RNF213: variants seen among roughly 807,000 people sequenced by gnomAD.
RNF213 encodes E3 ubiquitin-protein ligase RNF213.
A neutral mutation model predicts 514.4 loss-of-function variants in RNF213; 341 were observed. That is an observed-to-expected ratio of 0.66 (90% CI 0.61 to 0.73). RNF213 has a LOEUF of 0.73. RNF213 is among the 30% of genes least tolerant of loss of function. The pLI is 0.00. For missense variants in RNF213, 5,767 were observed against 6,615.6 expected, an observed-to-expected ratio of 0.87 and a Z score of 4.45; for synonymous variants, 2,655 against 2,658.2, an observed-to-expected ratio of 1.00 and a Z score of 0.04.
At chr17:80,376,581 A>G in intron 52 of RNF213, 38 bp downstream of exon 52, 2 of 1,613,288 alleles carry the variant, frequency 1.2e-6, no homozygotes, top group Non-Finnish European at 1.7e-6. Flanking sequence ...CTTCACTGGA[A>G]CACCCCCCAG....
chr17:80,358,236 G>A (rs1006084399), intron 36 of RNF213, 52 bp from the exon 37 acceptor site: 33 of 1,546,994 alleles, frequency 2.1e-5, no homozygotes, highest in African/African-American at 8.2e-5. Context: ...GTGGCAGACC[G>A]CCACTCTGGT....
At chr17:80,357,255 G>A (rs1460766081) in intron 36 of RNF213, among the ~76,000 whole-genome samples, 1 of 152,120 alleles carries the variant, frequency 6.6e-6, no homozygotes, top group East Asian at 1.9e-4. Context: ...TTTTGAAATA[G>A]AGCTATTATT....
At chr17:80,326,589 C>T (rs545163414) in intron 18 of RNF213, among the ~76,000 whole-genome samples, 8 of 152,304 alleles carry the variant, frequency 5.3e-5, no homozygotes, top group African/African-American at 1.9e-4. Context: ...CCTACAAAAT[C>T]CCATGCTCCA....
chr17:80,295,930 C>T, intron 10 of RNF213, 117 bp downstream of exon 10: 1 of 1,163,148 alleles, frequency 8.6e-7, no homozygotes, highest in African/African-American at 1.5e-5. Flanking sequence ...ATAAAACCAC[C>T]CGTGATTTTA....
intron 38 of RNF213, chr17:80,360,518 T>C (rs1369364620): frequency 7.6e-6 from 3 of 395,876 alleles, no homozygotes; most frequent in South Asian, 4.3e-5. Flanking sequence ...AGAGGAGGAC[T>C]GTCGCCTCTA....
At chr17:80,383,477 TCA>T (rs2144615636) in intron 58 of RNF213, among the ~76,000 whole-genome samples, 198 bp from the exon 59 acceptor site, 1 of 152,312 alleles carries the variant, frequency 6.6e-6, no homozygotes, top group South Asian at 2.1e-4. Flanking sequence ...TTTCTGAATC[TCA>T]TTCTGTTTGG....
intron 63 of RNF213, among the ~76,000 whole-genome samples, chr17:80,387,213 C>G (rs527443924): frequency 6.6e-6 from 1 of 152,246 alleles, no homozygotes; most frequent in Non-Finnish European, 1.5e-5. Context: ...TCAAGCGATC[C>G]TCTCACATCA....
At chr17:80,360,529 T>A in intron 38 of RNF213, 1 of 385,998 alleles carries the variant, frequency 2.6e-6, no homozygotes, top group Non-Finnish European at 5.0e-6. Flanking sequence ...GTCGCCTCTA[T>A]CAGCTGGTCA....
Position 80,358,314 on chromosome 17 carries a change from G to A in RNF213, c.10889G>A (p.Gly3630Asp), listed in dbSNP as rs2078909404. The A allele has an allele frequency of 6.2e-7, 1 of 1,613,982 alleles. No individual in the cohort carries two copies. The highest frequency in any genetic ancestry group is 1.7e-5 in the Admixed American group (1 of 59,990). ...CACACCCTCTGGAAGCGGGTCCAAGGTGCTGTCACCCCTCTGCTGGCGAGC... is the reference window on the plus strand; with the variant it reads ...CACACCCTCTGGAAGCGGGTCCAAGATGCTGTCACCCCTCTGCTGGCGAGC... ...FRHTLWKRVQ[G>D]AVTPLLASMI... Residue 3630 changes from glycine (G) to aspartate (D), a missense_variant, in exon 37 of 68, where the codon GGT (glycine) becomes GAT (aspartate). This residue lies in a region of RNF213 where 919 missense variants were observed against 1,121.0 expected (regional missense o/e 0.82). Transcript: ENST00000582970.
At chr17:80,294,505 G>T (rs1268270014) in intron 8 of RNF213, among the ~76,000 whole-genome samples, 2 of 152,178 alleles carry the variant, frequency 1.3e-5, no homozygotes, top group Non-Finnish European at 2.9e-5. Context: ...GGGACGTCTA[G>T]GATGTCTGTT....
intron 11 of RNF213, among the ~76,000 whole-genome samples, chr17:80,299,953 C>T (rs1415908942): frequency 2.0e-5 from 3 of 152,104 alleles, no homozygotes; most frequent in Non-Finnish European, 4.4e-5. Context: ...TTTCTTTATC[C>T]AGTCTACTGT....
intron 10 of RNF213, 98 bp from the exon 11 acceptor site, chr17:80,298,223 T>C (rs923371217): frequency 8.0e-7 from 1 of 1,257,532 alleles, no homozygotes; most frequent in African/African-American, 1.5e-5. Context: ...CCTCTTGCTC[T>C]GTGTGCACGG....
chr17:80,314,186 G>A (rs2045733455), intron 15 of RNF213, among the ~76,000 whole-genome samples: 2 of 126,286 alleles, frequency 1.6e-5, no homozygotes, highest in South Asian at 2.4e-4. Context: ...TGATGGTGGT[G>A]GTGAAGGTGA....
chr17:80,353,705 G>A lies in RNF213; in HGVS notation c.10578+39G>A, dbSNP rs1324456499. 3.1e-6 allele frequency: 5 copies of A among 1,613,414 alleles called. No individual in the cohort carries two copies. The highest frequency in any genetic ancestry group is 1.3e-5 in the African/African-American group (1 of 74,906). ...CTTGGGACCTCCCCTTGTGCTGCTGGTGATGCTTCTGAGCTGCATCTTTAA... is the reference window on the plus strand; with the variant it reads ...CTTGGGACCTCCCCTTGTGCTGCTGATGATGCTTCTGAGCTGCATCTTTAA... On this transcript the variant is annotated intron_variant, in intron 34 of 67. Transcript: ENST00000582970. The surrounding 1 kb of genome is among the most constrained non-coding windows in gnomAD (Gnocchi z 5.0).
rs763140836 is a variant in RNF213, at chr17:80,381,548, C to T, written c.13799C>T (p.Ala4600Val). 2.1e-5 allele frequency: 34 copies of T among 1,614,052 alleles called. No individual in the cohort carries two copies. The highest frequency in any genetic ancestry group is 2.7e-5 in the African/African-American group (2 of 74,940). The change falls in exon 57 of 68, where the codon GCT (alanine) becomes GTT (valine). Residue 4600 changes from alanine to valine, a missense_variant and splice_region_variant. By Grantham distance (64) the Ala-to-Val change is moderately conservative. This residue lies in a region of RNF213 where 1,245 missense variants were observed against 1,339.0 expected (regional missense o/e 0.93). Transcript: ENST00000582970. ...LLLGASQSSQ[A>V]LINIIKPPVR... Reference sequence around the variant, plus strand: ...CACTCTGTTCCGTTGCCCCCACAGGCTCTGATAAACATCATTAAGCCTCCA... The same window carrying T: ...CACTCTGTTCCGTTGCCCCCACAGGTTCTGATAAACATCATTAAGCCTCCA...
In RNF213 at chr17:80,376,286, T is replaced by G; in HGVS notation, c.13186-15T>G. On this transcript the variant is annotated splice_polypyrimidine_tract_variant and intron_variant, in intron 51 of 67. Coordinates refer to ENST00000582970, the MANE Select transcript of RNF213 (RefSeq NM_001256071.3). The stretch of plus-strand genomic sequence containing the variant: ...TTCTTTGATACATCTTAATGTTAAG[T>G]TTTTTTCCTGTCAGCAATGTGAAGC... 1 of 1,613,868 alleles carries G rather than the reference T, an allele frequency of 6.2e-7. No individual in the cohort carries two copies. The highest frequency in any genetic ancestry group is 8.5e-7 in the Non-Finnish European group (1 of 1,179,778).
chr17:80,364,090 G>A (rs975676669), intron 41 of RNF213, among the ~76,000 whole-genome samples: 5 of 152,098 alleles, frequency 3.3e-5, no homozygotes, highest in African/African-American at 7.2e-5. Flanking sequence ...AGGACACCCC[G>A]GGCGGGCAGG....
At chr17:80,356,518 C>T (rs1401401501) in intron 36 of RNF213, among the ~76,000 whole-genome samples, 1 of 152,256 alleles carries the variant, frequency 6.6e-6, no homozygotes, top group Non-Finnish European at 1.5e-5. Context: ...CTGACTACCT[C>T]GATTCACCAC....
rs1408169946 is a variant in RNF213 at position 80,339,783 on chromosome 17, C to G, written c.5416C>G (p.Leu1806Val). 2.0e-6 allele frequency: 3 copies of G among 1,535,220 alleles called. No homozygotes were observed. In the Admixed American group the frequency reaches 5.9e-5, roughly 30 times the overall value. Reference sequence around the variant, plus strand: ...CGACCTAGAGACCCTTGGCCACTGTCTGGCTCACCTGGCAGGGATGGGTGG... The same window carrying G: ...CGACCTAGAGACCCTTGGCCACTGTGTGGCTCACCTGGCAGGGATGGGTGG... ...CLDLETLGHC[L>V]AHLAGMGGSP... The change falls in exon 26 of 68, where the codon CTG becomes GTG. Residue 1806 changes from leucine to valine, a missense_variant. This residue lies in a region of RNF213 where 1,377 missense variants were observed against 1,635.2 expected (regional missense o/e 0.84). Transcript: ENST00000582970.
Sources: allele counts gnomAD v4.1 joint callset (sites outside exome capture counted in the v4.1 genomes callset), GRCh38; gene constraint gnomAD v4.1.1; regional missense constraint gnomAD v4.1.1; non-coding constraint Gnocchi (gnomAD v3.1); transcripts MANE v1.5; gene names NCBI Gene and HGNC (gene_info 2026-07-23, HGNC 2026-07-21).